FAM222B: variants seen among roughly 807,000 people sequenced by gnomAD.
FAM222B encodes the protein family with sequence similarity 222 member B.
Under a neutral mutation model 38.0 loss-of-function variants are expected in FAM222B, and 12 were observed. The observed-to-expected ratio is 0.32, with a 90% confidence interval of 0.20 to 0.51. The LOEUF (loss-of-function observed/expected upper bound fraction) is 0.51. FAM222B is among the 20% of genes least tolerant of loss of function. FAM222B has a pLI of 0.97. For synonymous variants in FAM222B, 329 were observed against 317.2 expected (o/e 1.04, Z -0.40); for missense variants, 716 against 754.2 (o/e 0.95, Z 0.59).
intron 1 of FAM222B, among the ~76,000 whole-genome samples, chr17:28,802,014 AAAAAAAGAAAAAAAG>A (rs1318897931): frequency 1.3e-4 from 20 of 151,694 alleles, no homozygotes; most frequent in African/African-American, 4.1e-4. Context: ...ATGCAAAAAA[AAAAAAAGAAAAAAAG>A]AAAAAGAAAA....
chr17:28,846,349 G>A (rs776733630), upstream of FAM222B, among the ~76,000 whole-genome samples: 3 of 151,764 alleles, frequency 2.0e-5, no homozygotes, highest in Admixed American at 6.6e-5. Flanking sequence ...CTAAGGAACC[G>A]AGTGAGACTG....
chr17:28,842,046 T>C (rs949762336), intron 1 of FAM222B, among the ~76,000 whole-genome samples: 1 of 152,196 alleles, frequency 6.6e-6, no homozygotes, highest in Admixed American at 6.6e-5. Flanking sequence ...GTACTTACAA[T>C]TCACAATTTG....
At chr17:28,775,880 CCAAAAAAAAAAA>C (rs1406034144) in intron 1 of FAM222B, among the ~76,000 whole-genome samples, 3 of 146,498 alleles carry the variant, frequency 2.0e-5, no homozygotes, top group East Asian at 4.0e-4. Flanking sequence ...GACTCCATCT[CCAAAAAAAAAAA>C]CAAAAACAAA....
At chr17:28,845,327 G>A (rs745867199), upstream of FAM222B, among the ~76,000 whole-genome samples, 7 of 151,612 alleles carry the variant, frequency 4.6e-5, no homozygotes, top group South Asian at 1.0e-3. Context: ...CGTGAAGCCC[G>A]GAGGCAGAGC....
At chr17:28,836,743 G>A (rs917341770) in intron 1 of FAM222B, among the ~76,000 whole-genome samples, 2 of 152,076 alleles carry the variant, frequency 1.3e-5, no homozygotes, top group African/African-American at 2.4e-5. Flanking sequence ...GTCAGGGGTC[G>A]ATCTTTAACT....
chr17:28,852,068 A>T (rs964895946), intron 1 of FAM222B, among the ~76,000 whole-genome samples: 4 of 151,532 alleles, frequency 2.6e-5, no homozygotes, highest in Non-Finnish European at 5.9e-5. Context: ...ATTTTTTTTT[A>T]ATTAAAAAAA....
intron 1 of FAM222B, among the ~76,000 whole-genome samples, chr17:28,774,034 T>C (rs888699113): frequency 1.3e-5 from 2 of 152,112 alleles, no homozygotes; most frequent in East Asian, 3.9e-4. Flanking sequence ...GATGTCAGAA[T>C]AAAGGAATCC....
intron 1 of FAM222B, among the ~76,000 whole-genome samples, chr17:28,818,870 G>A (rs2151941460): frequency 6.6e-6 from 1 of 152,360 alleles, no homozygotes; most frequent in East Asian, 1.9e-4. Flanking sequence ...CAGCAAACTT[G>A]TGAATCGAGC....
intron 1 of FAM222B, among the ~76,000 whole-genome samples, chr17:28,849,927 C>T (rs931244087): frequency 5.9e-5 from 9 of 151,900 alleles, no homozygotes; most frequent in African/African-American, 2.2e-4. Context: ...ACTAAAAATA[C>T]AAAAAATTAG....
At chr17:28,845,885 G>C (rs951791701), upstream of FAM222B, among the ~76,000 whole-genome samples, 1 of 141,208 alleles carries the variant, frequency 7.1e-6, no homozygotes, top group Non-Finnish European at 1.5e-5. Context: ...ACAGAGCAAG[G>C]CTCCATCTCA....
In FAM222B at chr17:28,822,846, T is replaced by C. The variant is rs1445108552; in HGVS notation, c.-41+19836A>G. Among the ~76,000 whole-genome samples, 8 of 87,042 alleles carry C rather than the reference T, an allele frequency of 9.2e-5. No homozygotes were observed. The Admixed American group carries it at 1.1e-3, about 12-fold the overall frequency. 57.1% of individuals were successfully genotyped at this position (87,042 alleles called of 152,430 possible). On this transcript the variant is annotated intron_variant, in intron 1 of 2. Transcript: ENST00000581407. Reference sequence around the variant, plus strand: ...AAAAAAAAAAAAATATATATATATATATATATATATATATATATACACACA... The same window carrying C: ...AAAAAAAAAAAAATATATATATATACATATATATATATATATATACACACA...
chr17:28,776,818 C>T (rs1227494230), intron 1 of FAM222B, among the ~76,000 whole-genome samples: 1 of 152,070 alleles, frequency 6.6e-6, no homozygotes, highest in Non-Finnish European at 1.5e-5. Context: ...TATTCCGTTA[C>T]TCCTGGGTTC....
intron 1 of FAM222B, among the ~76,000 whole-genome samples, chr17:28,784,916 AT>A (rs796473106): frequency 0.019 from 2,717 of 141,894 alleles, 78 homozygotes; most frequent in African/African-American, 0.062. Context: ...ATGCCCAGCT[AT>A]TTTTTTTTTT....
chr17:28,770,812 T>C (rs900117677), intron 1 of FAM222B, among the ~76,000 whole-genome samples: 3 of 151,542 alleles, frequency 2.0e-5, no homozygotes, highest in Admixed American at 2.0e-4. Flanking sequence ...CCCCGTGATC[T>C]GCCCGCCTCA....
upstream of FAM222B, among the ~76,000 whole-genome samples, chr17:28,844,526 C>A (rs751857248): frequency 6.6e-6 from 1 of 151,896 alleles, no homozygotes; most frequent in Non-Finnish European, 1.5e-5. Flanking sequence ...GGCGTGGTGG[C>A]GGGCGCCTGT....
At chr17:28,807,722 G>A (rs1439775670) in intron 1 of FAM222B, among the ~76,000 whole-genome samples, 1 of 152,136 alleles carries the variant, frequency 6.6e-6, no homozygotes, top group Non-Finnish European at 1.5e-5. Flanking sequence ...GACGTTTTAT[G>A]TATTTACAGA....
At chr17:28,809,046 C>G (rs915013653) in intron 1 of FAM222B, among the ~76,000 whole-genome samples, 3 of 152,004 alleles carry the variant, frequency 2.0e-5, no homozygotes, top group Non-Finnish European at 4.4e-5. Context: ...CATTCCAAGC[C>G]GTGACTCACA....
intron 1 of FAM222B, among the ~76,000 whole-genome samples, chr17:28,778,497 C>T (rs2035997931): frequency 2.0e-5 from 3 of 147,210 alleles, no homozygotes; most frequent in Admixed American, 1.4e-4. Flanking sequence ...ATGAGTGTTC[C>T]CCCCACCCCC....
intron 1 of FAM222B, among the ~76,000 whole-genome samples, chr17:28,797,678 T>C (rs367710983): frequency 1.3e-5 from 2 of 152,164 alleles, no homozygotes; most frequent in African/African-American, 4.8e-5. Context: ...ATTTTCAAAG[T>C]GCTTTTTCAC....
Sources: gnomAD v4.1 joint callset for allele counts (sites outside exome capture counted in the v4.1 genomes callset) on GRCh38, gnomAD v4.1.1 for gene constraint, MANE v1.5 for transcripts, NCBI Gene and HGNC (gene_info 2026-07-23, HGNC 2026-07-21) for gene names.